The following MAGT1 variants were observed in gnomAD, a reference collection of about 807,000 sequenced individuals.
MAGT1 encodes dolichyl-diphosphooligosaccharide--protein glycosyltransferase subunit MAGT1.
A neutral mutation model predicts 28.4 loss-of-function variants in MAGT1; 4 were observed. The observed-to-expected ratio is 0.14, with a 90% CI of 0.07 to 0.32. The LOEUF is 0.32. Ranked by LOEUF, MAGT1 falls within the 10% of genes least tolerant of loss-of-function variation. The probability of loss-of-function intolerance (pLI) is 1.00; values close to 1 mark genes in which losing one functional copy is unlikely to be tolerated. For missense variants in MAGT1, 193 were observed against 264.5 expected, an observed-to-expected ratio of 0.73 and a Z score of 1.88; for synonymous variants, 89 against 89.7, an observed-to-expected ratio of 0.99 and a Z score of 0.04.
At chrX:77,895,568 C>T, upstream of MAGT1, 1 of 1,017,402 alleles carries the variant, frequency 9.8e-7, no homozygotes, top group Non-Finnish European at 1.3e-6. Flanking sequence ...TGGCGCTACA[C>T]GCCCGCTAAA....
At chrX:77,894,652 C>T (rs184447549) in intron 1 of MAGT1, among the ~76,000 whole-genome samples, 15 of 111,960 alleles carry the variant, frequency 1.3e-4, no homozygotes, top group Admixed American at 1.3e-3. Flanking sequence ...AATTCCTCTA[C>T]CTGGATTGCT....
At chrX:77,879,481 T>C (rs1403619517) in intron 1 of MAGT1, among the ~76,000 whole-genome samples, 1 of 112,263 alleles carries the variant, frequency 8.9e-6, no homozygotes, top group African/African-American at 3.2e-5. Context: ...GAGATATGTA[T>C]AGAAAAAGCT....
rs145824657 is a variant in MAGT1 at position 77,860,227 on chromosome X, G to A, written c.391-2730C>T. Reference sequence around the variant, plus strand: ...CCCTCTCAAGTAGCTGGGATAACAGGGATGCGCCATGACATCCAGCTACTT... The same window carrying A: ...CCCTCTCAAGTAGCTGGGATAACAGAGATGCGCCATGACATCCAGCTACTT... On this transcript the variant is annotated intron_variant, in intron 3 of 9. Transcript: ENST00000618282. 7.2e-5 allele frequency among the ~76,000 whole-genome samples: 8 copies of A among 110,898 alleles called. No homozygotes were observed. In the East Asian group the frequency reaches 2.3e-3, roughly 33 times the overall value.
At chrX:77,856,431 C>A (rs1557215992) in intron 5 of MAGT1, 1 of 187,403 alleles carries the variant, frequency 5.3e-6, no homozygotes. Context: ...GACCAAGACT[C>A]CGCCTCAAAG....
At chrX:77,879,092 T>C (rs1053941450) in intron 1 of MAGT1, among the ~76,000 whole-genome samples, 4 of 111,585 alleles carry the variant, frequency 3.6e-5, no homozygotes, top group Admixed American at 9.6e-5. Flanking sequence ...AGTCTTGCTC[T>C]GTCACCCAGA....
At chrX:77,887,668 A>G (rs2077071218) in intron 1 of MAGT1, among the ~76,000 whole-genome samples, 1 of 112,359 alleles carries the variant, frequency 8.9e-6, no homozygotes. Context: ...AGATCATTCT[A>G]ATAATACTTG....
At chrX:77,832,845 A>G (rs972160839) in intron 8 of MAGT1, among the ~76,000 whole-genome samples, 10 of 108,454 alleles carry the variant, frequency 9.2e-5, no homozygotes, top group Admixed American at 4.0e-4. Flanking sequence ...AAAAAAAAAA[A>G]AAAAGAAAAG....
At chrX:77,859,966 T>A (rs1480372043) in intron 3 of MAGT1, among the ~76,000 whole-genome samples, 4 of 112,321 alleles carry the variant, frequency 3.6e-5, no homozygotes, top group African/African-American at 1.3e-4. Context: ...TTTCCCTACA[T>A]CCTTGCCAAA....
intron 8 of MAGT1, among the ~76,000 whole-genome samples, chrX:77,836,324 C>G (rs2076918128): frequency 9.0e-6 from 1 of 110,892 alleles, no homozygotes; most frequent in Non-Finnish European, 1.9e-5. Context: ...TATTTGATAG[C>G]ACAACAGGAT....
chrX:77,860,703 A>G (rs1012715047), intron 3 of MAGT1, among the ~76,000 whole-genome samples: 1 of 111,531 alleles, frequency 9.0e-6, no homozygotes, highest in African/African-American at 3.3e-5. Context: ...AATTGCTTGA[A>G]CCTGGGAGGC....
chrX:77,879,783 C>CT (rs1245863012), intron 1 of MAGT1, among the ~76,000 whole-genome samples: 12 of 102,613 alleles, frequency 1.2e-4, no homozygotes, highest in Admixed American at 2.1e-4. Flanking sequence ...AGAAACAAAA[C>CT]TTTTTTTTTC....
At chrX:77,857,588 T>C in intron 3 of MAGT1, 91 bp from the exon 4 acceptor site, 1 of 1,042,430 alleles carries the variant, frequency 9.6e-7, no homozygotes, top group Non-Finnish European at 1.3e-6. Flanking sequence ...TTTACAAAGA[T>C]GAGGAGGCCT....
chrX:77,858,817 A>G (rs906850029), intron 3 of MAGT1, among the ~76,000 whole-genome samples: 3 of 112,027 alleles, frequency 2.7e-5, no homozygotes, highest in East Asian at 5.6e-4. Context: ...AATCTTATAC[A>G]ATGTTCAGTC....
At chrX:77,844,396 C>G (rs946754788) in intron 7 of MAGT1, among the ~76,000 whole-genome samples, 1 of 111,292 alleles carries the variant, frequency 9.0e-6, no homozygotes, top group Non-Finnish European at 1.9e-5. Flanking sequence ...TTTCAAAAAC[C>G]AGCTCCAGGA....
At chrX:77,855,088 C>T (rs782182889) in intron 6 of MAGT1, among the ~76,000 whole-genome samples, 76 of 111,047 alleles carry the variant, frequency 6.8e-4, no homozygotes, top group Non-Finnish European at 9.8e-4. Context: ...CTGAGGCAGG[C>T]GCATCACCTG....
chrX:77,891,994 C>T (rs1326356420), intron 1 of MAGT1, among the ~76,000 whole-genome samples: 4 of 109,072 alleles, frequency 3.7e-5, no homozygotes, highest in Non-Finnish European at 5.7e-5. Flanking sequence ...CTTGTTCAAG[C>T]GATTCTCATG....
chrX:77,890,833 T>C (rs1176510069), intron 1 of MAGT1, among the ~76,000 whole-genome samples: 25 of 111,291 alleles, frequency 2.2e-4, no homozygotes, highest in Non-Finnish European at 2.8e-4. Context: ...AGACTCAGAG[T>C]AACTTGTTAA....
At chrX:77,841,600 C>T (rs368859093) in intron 7 of MAGT1, among the ~76,000 whole-genome samples, 59 of 110,933 alleles carry the variant, frequency 5.3e-4, no homozygotes, top group Non-Finnish European at 9.8e-4. Flanking sequence ...TGAGTTTTCC[C>T]GAAATTGTAC....
At chrX:77,845,786 G>A (rs1186106087) in intron 7 of MAGT1, among the ~76,000 whole-genome samples, 1 of 112,039 alleles carries the variant, frequency 8.9e-6, no homozygotes, top group African/African-American at 3.2e-5. Flanking sequence ...CTGGCTTGTA[G>A]AGTTTCTGCT....
Sources: allele counts gnomAD v4.1 joint callset (sites outside exome capture counted in the v4.1 genomes callset), GRCh38; gene constraint gnomAD v4.1.1; transcripts MANE v1.5; gene names NCBI Gene and HGNC (gene_info 2026-07-23, HGNC 2026-07-21).